SH3BGRL2: variants seen among roughly 807,000 people sequenced by gnomAD.
The protein encoded by SH3BGRL2 is SH3 domain binding glutamate rich protein like 2.
Under a neutral mutation model 14.8 loss-of-function variants are expected in SH3BGRL2, and 21 were observed. The observed-to-expected ratio is 1.42, with a 90% CI of 1.01 to 2.05. The LOEUF is 2.05. Among genes scored for constraint, SH3BGRL2 ranks in the 30% most tolerant of loss-of-function variants. The pLI is 0.00. For missense variants in SH3BGRL2, 147 were observed against 130.8 expected (o/e 1.12, Z -0.61); for synonymous variants, 50 against 47.8 (o/e 1.05, Z -0.19).
chr6:79,563,346 C>T, the SH3BGRL2 span, among the ~76,000 whole-genome samples: 972 of 151,062 alleles, frequency 6.4e-3, 9 homozygotes, highest in African/African-American at 0.023. Flanking sequence ...CTCCTGACCT[C>T]GTTAACCCCC....
the SH3BGRL2 span, among the ~76,000 whole-genome samples, chr6:79,564,387 T>G: frequency 7.7e-6 from 1 of 130,668 alleles, no homozygotes; most frequent in African/African-American, 2.9e-5. Flanking sequence ...TTTTTAGATT[T>G]TTAAAAATTC....
intron 1 of SH3BGRL2, among the ~76,000 whole-genome samples, chr6:79,648,786 C>G (rs1442509628): frequency 6.6e-6 from 1 of 152,094 alleles, no homozygotes; most frequent in Admixed American, 6.6e-5. Context: ...ATGACCATGT[C>G]AAAGAGGAAC....
chr6:79,635,617 A>G (rs1351515369), intron 1 of SH3BGRL2, among the ~76,000 whole-genome samples: 3 of 152,248 alleles, frequency 2.0e-5, no homozygotes, highest in Non-Finnish European at 2.9e-5. Context: ...ATAGTGAAGG[A>G]CTGATGCTGG....
chr6:79,692,324 G>A (rs1212897674), intron 2 of SH3BGRL2, among the ~76,000 whole-genome samples: 1 of 152,118 alleles, frequency 6.6e-6, no homozygotes, highest in East Asian at 1.9e-4. Context: ...CACTCTGATG[G>A]TAGTTTCTTT....
chr6:79,600,714 A>T, the SH3BGRL2 span, among the ~76,000 whole-genome samples: 1 of 152,154 alleles, frequency 6.6e-6, no homozygotes, highest in African/African-American at 2.4e-5. Context: ...TCTCATTTTC[A>T]TTCCTGTCCC....
the SH3BGRL2 span, among the ~76,000 whole-genome samples, chr6:79,619,707 C>T: frequency 6.6e-6 from 1 of 152,148 alleles, no homozygotes; most frequent in Non-Finnish European, 1.5e-5. Flanking sequence ...TCACCCTGAG[C>T]TTTTTCAAGT....
intron 2 of SH3BGRL2, among the ~76,000 whole-genome samples, chr6:79,683,726 C>G (rs571963549): frequency 1.3e-5 from 2 of 152,314 alleles, no homozygotes; most frequent in South Asian, 4.1e-4. Context: ...GGATTACAGG[C>G]GTGAGCCACC....
chr6:79,638,058 A>G (rs1031188933), intron 1 of SH3BGRL2, among the ~76,000 whole-genome samples: 3 of 152,224 alleles, frequency 2.0e-5, no homozygotes, highest in African/African-American at 7.2e-5. Flanking sequence ...TATATAATGT[A>G]TAGTGATCAA....
chr6:79,645,286 C>T (rs1006627506), intron 1 of SH3BGRL2, among the ~76,000 whole-genome samples: 18 of 151,608 alleles, frequency 1.2e-4, no homozygotes, highest in Non-Finnish European at 1.9e-4. Context: ...CACCCTCTTT[C>T]GAGTTAATAT....
chr6:79,688,785 T>C (rs1407514489), intron 2 of SH3BGRL2, among the ~76,000 whole-genome samples: 1 of 152,126 alleles, frequency 6.6e-6, no homozygotes, highest in African/African-American at 2.4e-5. Context: ...GGAAGTAGTT[T>C]TAAATTTTTA....
chr6:79,551,210 C>T, the SH3BGRL2 span, among the ~76,000 whole-genome samples: 972 of 152,262 alleles, frequency 6.4e-3, 13 homozygotes, highest in African/African-American at 0.022. Context: ...TTTTCCATTA[C>T]AAGCTGCAAG....
the SH3BGRL2 span, among the ~76,000 whole-genome samples, chr6:79,596,916 C>T: frequency 2.6e-5 from 4 of 152,114 alleles, no homozygotes; most frequent in African/African-American, 9.7e-5. Flanking sequence ...GTAGTCAAAA[C>T]AGTTTTGTAC....
At chr6:79,549,944 T>G in the SH3BGRL2 span, among the ~76,000 whole-genome samples, 1 of 152,154 alleles carries the variant, frequency 6.6e-6, no homozygotes, top group African/African-American at 2.4e-5. Flanking sequence ...ATTTTTTGTT[T>G]TAATATTTCT....
chr6:79,654,850 T>A (rs1419911783), intron 1 of SH3BGRL2, among the ~76,000 whole-genome samples: 1 of 152,186 alleles, frequency 6.6e-6, no homozygotes, highest in Admixed American at 6.5e-5. Flanking sequence ...GGTGCAGATA[T>A]CTGATTCTAT....
chr6:79,560,068 G>A, the SH3BGRL2 span, among the ~76,000 whole-genome samples: 1 of 152,136 alleles, frequency 6.6e-6, no homozygotes. Flanking sequence ...AGAGGAAACA[G>A]TTTTGCCTGT....
intron 1 of SH3BGRL2, among the ~76,000 whole-genome samples, chr6:79,667,857 C>A (rs1047107052): frequency 2.6e-5 from 4 of 152,094 alleles, no homozygotes; most frequent in African/African-American, 7.2e-5. Flanking sequence ...AAAATTAAAA[C>A]CAGGACAATC....
chr6:79,564,956 A>G, the SH3BGRL2 span, among the ~76,000 whole-genome samples: 1 of 152,128 alleles, frequency 6.6e-6, no homozygotes, highest in Admixed American at 6.5e-5. Flanking sequence ...TCCCATTTAC[A>G]TTAATGAAAT....
At chr6:79,676,471 GA>G (rs1230696491) in intron 2 of SH3BGRL2, among the ~76,000 whole-genome samples, 1 of 152,048 alleles carries the variant, frequency 6.6e-6, no homozygotes, top group African/African-American at 2.4e-5. Context: ...GCTTCTTGCT[GA>G]TAGTGCTCCT....
At chr6:79,664,215 G>C (rs891716960) in intron 1 of SH3BGRL2, among the ~76,000 whole-genome samples, 3 of 152,246 alleles carry the variant, frequency 2.0e-5, no homozygotes, top group African/African-American at 7.2e-5. Context: ...AGGTACCTCA[G>C]TTGGAAATGC....
Sources: allele counts gnomAD v4.1 joint callset (sites outside exome capture counted in the v4.1 genomes callset), GRCh38; gene constraint gnomAD v4.1.1; transcripts MANE v1.5; gene names NCBI Gene and HGNC (gene_info 2026-07-23, HGNC 2026-07-21).